The following RALB variants were observed in gnomAD, a reference collection of about 807,000 sequenced individuals.
RALB encodes the protein ras-related protein Ral-B.
In RALB, 16 loss-of-function variants were observed where a neutral mutation model predicts 21.3. That is an observed-to-expected ratio of 0.75 (90% CI 0.51 to 1.14). The LOEUF (loss-of-function observed/expected upper bound fraction) is 1.14. RALB is among the 50% of genes most tolerant of loss of function. The probability of loss-of-function intolerance (pLI) is 0.00; values close to 1 mark genes in which losing one functional copy is unlikely to be tolerated. For synonymous variants in RALB, 93 were observed against 96.1 expected (o/e 0.97, Z 0.19); for missense variants, 161 against 256.2 (o/e 0.63, Z 2.54).
intron 1 of RALB, among the ~76,000 whole-genome samples, chr2:120,267,609 A>T (rs532174539): frequency 2.6e-5 from 4 of 152,268 alleles, no homozygotes; most frequent in African/African-American, 9.6e-5. Context: ...TGGAAGTAAG[A>T]CTGCAGCAGG....
intron 4 of RALB, among the ~76,000 whole-genome samples, chr2:120,290,149 C>T (rs1445520351): frequency 6.6e-6 from 1 of 152,070 alleles, no homozygotes; most frequent in African/African-American, 2.4e-5. Context: ...CAGGTGTGCA[C>T]CACCACACTG....
chr2:120,288,342 G>GCCTTT (rs1690217814), intron 3 of RALB, among the ~76,000 whole-genome samples: 1 of 117,092 alleles, frequency 8.5e-6, no homozygotes, highest in Non-Finnish European at 1.7e-5. Flanking sequence ...GAAAATTTTA[G>GCCTTT]TTTTTTTTTT....
chr2:120,249,377 G>A (rs889418518), upstream of RALB, among the ~76,000 whole-genome samples: 1 of 152,122 alleles, frequency 6.6e-6, no homozygotes, highest in African/African-American at 2.4e-5. Context: ...CCTGAGACTG[G>A]GTAATTGATA....
In RALB at chr2:120,294,611, A is replaced by G. The variant is rs1161186307; in HGVS notation, c.*1351A>G. The G allele has an allele frequency of 2.3e-4, 45 of 193,360 alleles. No individual in the cohort carries two copies. The highest frequency in any genetic ancestry group is 1.0e-5 in the Non-Finnish European group (1 of 95,856). The allele number at this position is 193,360 out of a possible 1,614,324, so 12.0% of individuals were successfully genotyped here. A position where few individuals can be genotyped will look rare whatever the true frequency, so the allele number is the denominator to read the frequency against. On this transcript the variant is annotated 3_prime_UTR_variant, in exon 5 of 5. Coordinates refer to ENST00000272519, the MANE Select transcript of RALB (RefSeq NM_002881.3). ...GGAACCTTTTGAATTTATGATTGTC[A>G]CAGAGATGGTAGAAATTATGATCTG...
In RALB at chr2:120,293,340, TTG is replaced by T; in HGVS notation, c.*81_*82del. 1 of 1,392,116 alleles carries T rather than the reference TTG, an allele frequency of 7.2e-7. No homozygotes were observed. Among genetic ancestry groups the T allele is most frequent in the Non-Finnish European group, 9.5e-7 (1 of 1,057,054 alleles). The allele number at this position is 1,392,116 out of a possible 1,614,324, so 86.2% of individuals were successfully genotyped here. On this transcript the variant is annotated 3_prime_UTR_variant, in exon 5 of 5. Transcript: ENST00000272519. The stretch of plus-strand genomic sequence containing the variant: ...TAAAGAGAAGGCTATGGTTGACTTC[TTG>T]CTTGTGCTTCCCACTCTCCCCGACT...
intron 2 of RALB, chr2:120,280,708 T>C (rs1367101112): frequency 2.7e-5 from 6 of 218,266 alleles, no homozygotes; most frequent in Admixed American, 7.6e-5. Flanking sequence ...GAACTTAAAG[T>C]AAAAAGAAAA....
chr2:120,280,154 G>A (rs978885321), intron 2 of RALB, among the ~76,000 whole-genome samples: 1 of 152,188 alleles, frequency 6.6e-6, no homozygotes, highest in Admixed American at 6.5e-5. Context: ...AAGTCTTTCA[G>A]ATCTTACAGC....
Position 120,293,711 on chromosome 2 carries a change from A to G in RALB, c.*451A>G, listed in dbSNP as rs1690362395. ...ATCAGTTTAGTAGTAGTACTGAGAA[A>G]AATCCCTTCAGCTCTAAGAACACTG... On this transcript the variant is annotated 3_prime_UTR_variant, in exon 5 of 5. Transcript: ENST00000272519. 1 of 160,302 alleles carries G rather than the reference A, an allele frequency of 6.2e-6. No individual in the cohort carries two copies. Among genetic ancestry groups the G allele is most frequent in the African/African-American group, 2.4e-5 (1 of 41,902 alleles). The allele number at this position is 160,302 out of a possible 1,614,324, so 9.9% of individuals were successfully genotyped here.
At chr2:120,268,041 T>C (rs775972183) in intron 1 of RALB, among the ~76,000 whole-genome samples, 1 of 152,112 alleles carries the variant, frequency 6.6e-6, no homozygotes, top group African/African-American at 2.4e-5. Context: ...CTGCCCGCCT[T>C]AGCCTCCCAA....
At chr2:120,267,168 A>G (rs1689525096) in intron 1 of RALB, among the ~76,000 whole-genome samples, 2 of 152,134 alleles carry the variant, frequency 1.3e-5, no homozygotes, top group East Asian at 1.9e-4. Context: ...TTTTTGTTTT[A>G]GTTAACTTCA....
rs559196782 is a variant in RALB at position 120,262,270 on chromosome 2, G to A, written c.-48+9290G>A. Among the ~76,000 whole-genome samples the A allele has an allele frequency of 4.3e-4, 66 of 152,316 alleles. 3 individuals carry two copies. In the South Asian group the frequency reaches 0.014, roughly 31 times the overall value. On this transcript the variant is annotated intron_variant, in intron 1 of 4. Transcript: ENST00000272519. ...TGAAGTGCAGGTGACATTGGGGAGG[G>A]AGGAAGGACACATATCTGGTCTGTC...
Position 120,293,843 on chromosome 2 carries a change from T to G in RALB, c.*583T>G, listed in dbSNP as rs1690364650. 3.7e-6 allele frequency: 1 copy of G among 268,506 alleles called. No individual in the cohort carries two copies. Among genetic ancestry groups the G allele is most frequent in the South Asian group, 1.7e-4 (1 of 5,894 alleles). The allele number at this position is 268,506 out of a possible 1,614,324, so 16.6% of individuals were successfully genotyped here. A position where few individuals can be genotyped will look rare whatever the true frequency, so the allele number is the denominator to read the frequency against. Reference sequence around the variant, plus strand: ...GCCAGATAGGTCAATACCAAGCTTCTGATTCCTCCTCACATATGAAAAGTG... The same window carrying G: ...GCCAGATAGGTCAATACCAAGCTTCGGATTCCTCCTCACATATGAAAAGTG... On this transcript the variant is annotated 3_prime_UTR_variant, in exon 5 of 5. Transcript: ENST00000272519.
chr2:120,253,964 C>T (rs1429666920), intron 1 of RALB, among the ~76,000 whole-genome samples: 1 of 152,096 alleles, frequency 6.6e-6, no homozygotes, highest in Non-Finnish European at 1.5e-5. Context: ...GTGTCAATGA[C>T]TGATGTTCCA....
intron 1 of RALB, among the ~76,000 whole-genome samples, chr2:120,277,768 C>T (rs543414902): frequency 6.1e-5 from 9 of 147,356 alleles, no homozygotes; most frequent in African/African-American, 1.5e-4. Context: ...TGTATGACAG[C>T]GTGTGCTAGC....
At chr2:120,248,010 G>C (rs1253918385), upstream of RALB, among the ~76,000 whole-genome samples, 1 of 152,198 alleles carries the variant, frequency 6.6e-6, no homozygotes, top group East Asian at 1.9e-4. Flanking sequence ...CTGAGAACAG[G>C]ACCAGACAGC....
chr2:120,252,574 T>A (rs370529271), upstream of RALB, among the ~76,000 whole-genome samples: 216 of 152,326 alleles, frequency 1.4e-3, no homozygotes, highest in African/African-American at 5.0e-3. Flanking sequence ...GGGCAGCTCC[T>A]CCACTGCCGC....
upstream of RALB, among the ~76,000 whole-genome samples, chr2:120,249,472 C>T (rs751979773): frequency 2.6e-5 from 4 of 152,204 alleles, no homozygotes; most frequent in Non-Finnish European, 5.9e-5. Flanking sequence ...CCTGGGGAGG[C>T]TTCAGGAAGC....
At chr2:120,249,218 A>G (rs548041301), upstream of RALB, among the ~76,000 whole-genome samples, 1 of 151,986 alleles carries the variant, frequency 6.6e-6, no homozygotes, top group Non-Finnish European at 1.5e-5. Flanking sequence ...TATTTTTAGT[A>G]GAGATGGGGT....
chr2:120,252,076 T>C (rs1193960714), upstream of RALB, among the ~76,000 whole-genome samples: 1 of 152,212 alleles, frequency 6.6e-6, no homozygotes, highest in African/African-American at 2.4e-5. Context: ...TCAGTTGCGA[T>C]GGCTTGTGAC....
Sources: allele counts gnomAD v4.1 joint callset (sites outside exome capture counted in the v4.1 genomes callset), GRCh38; gene constraint gnomAD v4.1.1; transcripts MANE v1.5; gene names NCBI Gene and HGNC (gene_info 2026-07-23, HGNC 2026-07-21).